NFIB: variants seen among roughly 807,000 people sequenced by gnomAD.
NFIB encodes the protein nuclear factor 1 B-type.
In NFIB, 11 loss-of-function variants were observed where a neutral mutation model predicts 61.5. That is an observed-to-expected ratio of 0.18 (90% CI 0.11 to 0.30). NFIB has a LOEUF of 0.30. Among genes scored for constraint, NFIB ranks in the 10% least tolerant of loss-of-function variants. NFIB has a pLI of 1.00. For missense variants in NFIB, 471 were observed against 608.9 expected (o/e 0.77, Z 2.38); for synonymous variants, 260 against 216.5 (o/e 1.20, Z -1.76).
At chr9:14,206,003 T>C (rs2049649992) in intron 2 of NFIB, among the ~76,000 whole-genome samples, 1 of 152,100 alleles carries the variant, frequency 6.6e-6, no homozygotes, top group Non-Finnish European at 1.5e-5. Flanking sequence ...GCATTATTAA[T>C]TATGTTTCTG....
intron 3 of NFIB, among the ~76,000 whole-genome samples, chr9:14,164,758 G>C (rs1337372244): frequency 6.6e-6 from 1 of 152,128 alleles, no homozygotes; most frequent in Non-Finnish European, 1.5e-5. Flanking sequence ...CTAGTGTAGT[G>C]GTTGCCAAAT....
At chr9:14,465,860 C>T in the NFIB span, among the ~76,000 whole-genome samples, 1 of 152,132 alleles carries the variant, frequency 6.6e-6, no homozygotes, top group Non-Finnish European at 1.5e-5. Context: ...CACTAAATGC[C>T]AGTAGCAACA....
At chr9:14,530,489 A>G in the NFIB span, among the ~76,000 whole-genome samples, 1 of 152,124 alleles carries the variant, frequency 6.6e-6, no homozygotes, top group Admixed American at 6.5e-5. Flanking sequence ...CAAAACAGCA[A>G]CAAGTAGCAG....
chr9:14,334,932 A>G (rs1277613198), intron 1 of NFIB, among the ~76,000 whole-genome samples: 1 of 152,228 alleles, frequency 6.6e-6, no homozygotes, highest in East Asian at 1.9e-4. Flanking sequence ...AAATGGAATC[A>G]AACAGTATGT....
intron 3 of NFIB, among the ~76,000 whole-genome samples, chr9:14,175,348 G>C (rs768453365): frequency 7.9e-5 from 12 of 151,342 alleles, no homozygotes; most frequent in Non-Finnish European, 1.5e-4. Flanking sequence ...TAATTTTTTT[G>C]TATTTTTAGT....
upstream of NFIB, among the ~76,000 whole-genome samples, chr9:14,315,554 C>T (rs1240897803): frequency 2.8e-5 from 4 of 142,588 alleles, no homozygotes; most frequent in Non-Finnish European, 6.2e-5. Flanking sequence ...GGCGGGCCGG[C>T]GGGCGCGCGC....
chr9:14,289,977 G>A (rs929438996), intron 2 of NFIB, among the ~76,000 whole-genome samples: 1 of 151,998 alleles, frequency 6.6e-6, no homozygotes, highest in South Asian at 2.1e-4. Context: ...CTCCCCGCTA[G>A]GCAACAGTTA....
At chr9:14,102,741 C>T (rs1441603777) in intron 10 of NFIB, among the ~76,000 whole-genome samples, 1 of 151,704 alleles carries the variant, frequency 6.6e-6, no homozygotes, top group Non-Finnish European at 1.5e-5. Flanking sequence ...TTAAAGCATA[C>T]AAGAGAAACA....
intron 1 of NFIB, among the ~76,000 whole-genome samples, chr9:14,329,005 G>C (rs1321574608): frequency 6.6e-6 from 1 of 152,184 alleles, no homozygotes; most frequent in East Asian, 1.9e-4. Context: ...GAAGAGTTTG[G>C]AGTGGAGTAG....
At chr9:14,309,744 G>A (rs1332000444) in intron 1 of NFIB, among the ~76,000 whole-genome samples, 1 of 152,144 alleles carries the variant, frequency 6.6e-6, no homozygotes, top group Non-Finnish European at 1.5e-5. Flanking sequence ...ATATGCAAAA[G>A]GAAAGCCTGC....
chr9:14,382,604 A>G (rs536758704), intron 1 of NFIB, among the ~76,000 whole-genome samples: 210 of 152,178 alleles, frequency 1.4e-3, no homozygotes, highest in African/African-American at 4.8e-3. Flanking sequence ...AGACAGGCAC[A>G]CCCTCAGTAA....
intron 9 of NFIB, among the ~76,000 whole-genome samples, chr9:14,113,956 G>A (rs1381370451): frequency 6.6e-6 from 1 of 152,094 alleles, no homozygotes; most frequent in African/African-American, 2.4e-5. Context: ...CTTTTCACAA[G>A]GAAAGGACTG....
the NFIB span, among the ~76,000 whole-genome samples, chr9:14,518,149 T>G: frequency 6.6e-6 from 1 of 152,238 alleles, no homozygotes; most frequent in Non-Finnish European, 1.5e-5. Flanking sequence ...TATATGCCAT[T>G]GGAAATATGG....
At chr9:14,133,695 G>A (rs1207233585) in intron 6 of NFIB, among the ~76,000 whole-genome samples, 3 of 152,284 alleles carry the variant, frequency 2.0e-5, no homozygotes, top group Admixed American at 6.5e-5. Context: ...AGAGAGGAAA[G>A]TGTCCAGGTT....
At chr9:14,097,877 T>TTTTTTTC (rs2035102020) in intron 10 of NFIB, among the ~76,000 whole-genome samples, 2 of 142,028 alleles carry the variant, frequency 1.4e-5, no homozygotes, top group Non-Finnish European at 3.1e-5. Context: ...TCTTTTTTCT[T>TTTTTTTC]TTTTTTTTTT....
At chr9:14,234,012 G>A (rs2053482195) in intron 2 of NFIB, among the ~76,000 whole-genome samples, 1 of 152,190 alleles carries the variant, frequency 6.6e-6, no homozygotes, top group South Asian at 2.1e-4. Context: ...CAAAACAGGA[G>A]TCAAGGGCAT....
At chr9:14,510,099 T>C in the NFIB span, among the ~76,000 whole-genome samples, 1 of 152,346 alleles carries the variant, frequency 6.6e-6, no homozygotes, top group East Asian at 1.9e-4. Context: ...TTTCACCATA[T>C]TGGCCAGGCA....
intron 1 of NFIB, among the ~76,000 whole-genome samples, chr9:14,348,336 G>A (rs1189870785): frequency 2.0e-5 from 2 of 97,940 alleles, no homozygotes; most frequent in African/African-American, 1.3e-4. Flanking sequence ...ACTACCGGGG[G>A]TGAAAAAAAA....
chr9:14,385,969 G>A (rs1187130156), intron 1 of NFIB, among the ~76,000 whole-genome samples: 1 of 151,940 alleles, frequency 6.6e-6, no homozygotes, highest in Non-Finnish European at 1.5e-5. Flanking sequence ...GTTCAGTAGA[G>A]ACAGGGTTTC....
Sources: allele counts gnomAD v4.1 joint callset (sites outside exome capture counted in the v4.1 genomes callset), GRCh38; gene constraint gnomAD v4.1.1; transcripts MANE v1.5; gene names NCBI Gene and HGNC (gene_info 2026-07-23, HGNC 2026-07-21).